MGLL: variants seen among roughly 807,000 people sequenced by gnomAD.
MGLL encodes the protein lysophospholipase homolog.
MGLL carries 7 observed loss-of-function variants against 29.1 expected under a neutral mutation model. The ratio of observed to expected loss-of-function variants is 0.24; its 90% confidence interval spans 0.14 to 0.45. The LOEUF (loss-of-function observed/expected upper bound fraction) is 0.45. Ranked by LOEUF, MGLL falls within the 20% of genes least tolerant of loss-of-function variation. The pLI, the probability that MGLL is intolerant of heterozygous loss-of-function variation, is 0.99. For synonymous variants in MGLL, 148 were observed against 168.3 expected, an observed-to-expected ratio of 0.88 and a Z score of 0.93; for missense variants, 356 against 413.6, an observed-to-expected ratio of 0.86 and a Z score of 1.21.
chr3:127,725,884 A>G (rs1490044365), intron 3 of MGLL, among the ~76,000 whole-genome samples: 1 of 152,006 alleles, frequency 6.6e-6, no homozygotes, highest in East Asian at 1.9e-4. Flanking sequence ...TGGGCAATAT[A>G]ACAAGACAGA....
intron 3 of MGLL, among the ~76,000 whole-genome samples, chr3:127,755,419 C>T (rs1025084323): frequency 1.3e-5 from 2 of 152,208 alleles, no homozygotes; most frequent in South Asian, 4.1e-4. Flanking sequence ...AGCAATCCAT[C>T]GCTGTAGGCC....
chr3:127,776,959 C>A (rs2077046828), intron 3 of MGLL, among the ~76,000 whole-genome samples: 2 of 152,046 alleles, frequency 1.3e-5, no homozygotes, highest in African/African-American at 4.8e-5. Flanking sequence ...TGCCTGCCTG[C>A]AGTGGCTGCC....
chr3:127,706,297 T>C (rs2075600886), intron 6 of MGLL, among the ~76,000 whole-genome samples: 1 of 152,186 alleles, frequency 6.6e-6, no homozygotes, highest in Admixed American at 6.5e-5. Flanking sequence ...CCCACAAAGG[T>C]ACTGAGAAAG....
intron 6 of MGLL, among the ~76,000 whole-genome samples, chr3:127,707,036 A>G (rs2075616769): frequency 6.6e-6 from 1 of 152,222 alleles, no homozygotes; most frequent in Admixed American, 6.5e-5. Context: ...GAGACAAAAA[A>G]GGAAGCTGAG....
At chr3:127,700,927 A>C (rs1223289032) in intron 6 of MGLL, among the ~76,000 whole-genome samples, 1 of 152,084 alleles carries the variant, frequency 6.6e-6, no homozygotes, top group Non-Finnish European at 1.5e-5. Context: ...ATAAGAATGT[A>C]CCGTAGCCTG....
chr3:127,718,768 G>T (rs2075863814), intron 5 of MGLL, among the ~76,000 whole-genome samples: 2 of 152,178 alleles, frequency 1.3e-5, no homozygotes, highest in African/African-American at 4.8e-5. Flanking sequence ...AACCGGGAGA[G>T]AGACTCTCCC....
chr3:127,731,465 C>T (rs939309617), intron 3 of MGLL, among the ~76,000 whole-genome samples: 2 of 152,026 alleles, frequency 1.3e-5, no homozygotes, highest in Admixed American at 1.3e-4. Context: ...TACTTTGATG[C>T]TTTAACATCT....
intron 6 of MGLL, among the ~76,000 whole-genome samples, chr3:127,704,834 C>T (rs917454510): frequency 6.6e-6 from 1 of 151,532 alleles, no homozygotes; most frequent in African/African-American, 2.4e-5. Flanking sequence ...ACAACAGAAA[C>T]CCCATTTGAC....
chr3:127,793,120 G>A (rs981047111), intron 2 of MGLL, among the ~76,000 whole-genome samples: 6 of 152,270 alleles, frequency 3.9e-5, no homozygotes, highest in South Asian at 2.1e-4. Context: ...TCCAACATGC[G>A]AACCACAGTG....
chr3:127,746,994 C>T (rs950127094), intron 3 of MGLL, among the ~76,000 whole-genome samples: 1 of 152,164 alleles, frequency 6.6e-6, no homozygotes, highest in Non-Finnish European at 1.5e-5. Flanking sequence ...GCCCTGTTCT[C>T]GATTGCTGAT....
chr3:127,753,479 C>T (rs1278492987), intron 3 of MGLL, among the ~76,000 whole-genome samples: 3 of 152,236 alleles, frequency 2.0e-5, no homozygotes, highest in South Asian at 2.1e-4. Context: ...TGGCATAGCT[C>T]TTTGTTCCCA....
intron 2 of MGLL, among the ~76,000 whole-genome samples, chr3:127,789,266 T>A (rs1281327969): frequency 1.3e-5 from 2 of 152,272 alleles, no homozygotes; most frequent in Admixed American, 1.3e-4. Context: ...GATCATCCCC[T>A]GTGGGCTCAG....
chr3:127,748,905 C>T (rs538715934), intron 3 of MGLL, among the ~76,000 whole-genome samples: 1 of 152,304 alleles, frequency 6.6e-6, no homozygotes, highest in African/African-American at 2.4e-5. Context: ...ATGTAATTCT[C>T]TTTGCTTGGA....
At chr3:127,696,133 A>G (rs1264533865) in intron 6 of MGLL, among the ~76,000 whole-genome samples, 2 of 152,160 alleles carry the variant, frequency 1.3e-5, no homozygotes, top group East Asian at 1.9e-4. Flanking sequence ...GGCTGTGCCC[A>G]AGGCCAACTC....
chr3:127,722,284 A>C (rs2075941911), intron 4 of MGLL, 146 bp downstream of exon 4: 2 of 1,174,234 alleles, frequency 1.7e-6, no homozygotes, highest in Non-Finnish European at 2.5e-6. Flanking sequence ...GGAATTGCCC[A>C]GGAACTCCAA....
At chr3:127,748,380 A>AGGAG (rs1163705932) in intron 3 of MGLL, among the ~76,000 whole-genome samples, 1 of 143,746 alleles carries the variant, frequency 7.0e-6, no homozygotes, top group South Asian at 2.4e-4. Flanking sequence ...TGGGAGAGGG[A>AGGAG]GGAGGGAGGG....
At chr3:127,721,270 G>A in intron 4 of MGLL, 107 bp from the exon 5 acceptor site, 2 of 913,632 alleles carry the variant, frequency 2.2e-6, no homozygotes, top group Non-Finnish European at 3.5e-6. Context: ...CTGGCCAAGA[G>A]CCCTGAGGAG....
intron 6 of MGLL, among the ~76,000 whole-genome samples, chr3:127,703,760 G>A (rs1255328846): frequency 6.6e-6 from 1 of 152,130 alleles, no homozygotes; most frequent in Non-Finnish European, 1.5e-5. Context: ...GAGGGAAAAG[G>A]CAGCCCACAG....
chr3:127,697,560 C>T (rs749112410), intron 6 of MGLL, among the ~76,000 whole-genome samples: 2 of 152,124 alleles, frequency 1.3e-5, no homozygotes, highest in Non-Finnish European at 2.9e-5. Flanking sequence ...ATGTTTCCTT[C>T]GGTACACAAC....
Sources: gnomAD v4.1 joint callset for allele counts (sites outside exome capture counted in the v4.1 genomes callset) on GRCh38, gnomAD v4.1.1 for gene constraint, MANE v1.5 for transcripts, NCBI Gene and HGNC (gene_info 2026-07-23, HGNC 2026-07-21) for gene names.